NFATC1: variants seen among roughly 807,000 people sequenced by gnomAD.
The protein encoded by NFATC1 is nuclear factor of activated T cells 1.
A neutral mutation model predicts 76.0 loss-of-function variants in NFATC1; 22 were observed. That is an observed-to-expected ratio of 0.29 (90% CI 0.21 to 0.41). The LOEUF (loss-of-function observed/expected upper bound fraction) is 0.41. Ranked by LOEUF, NFATC1 falls within the 10% of genes least tolerant of loss-of-function variation. NFATC1 has a pLI of 1.00. For synonymous variants in NFATC1, 704 were observed against 613.1 expected (o/e 1.15, Z -2.19); for missense variants, 1,357 against 1,337.7 (o/e 1.01, Z -0.23).
rs1192336762 is a variant in NFATC1 at position 79,475,092 on chromosome 18, C to T, written c.2092+7510C>T. 4.6e-5 allele frequency among the ~76,000 whole-genome samples: 6 copies of T among 129,674 alleles called. 2 individuals are homozygous for T. The highest frequency in any genetic ancestry group is 9.5e-5 in the Non-Finnish European group (6 of 63,476). 85.1% of individuals were successfully genotyped at this position (129,674 alleles called of 152,430 possible). On this transcript the variant is annotated intron_variant, in intron 8 of 9. Transcript: ENST00000427363. ...GAAGTGTGTTCTCACACTCACTCGA[C>T]GTGAGGGAAGCGTGTTCTCACGCTC...
At chr18:79,490,996 G>A (rs900059102) in intron 9 of NFATC1, among the ~76,000 whole-genome samples, 1 of 152,112 alleles carries the variant, frequency 6.6e-6, no homozygotes, top group Non-Finnish European at 1.5e-5. Context: ...GAAATGCGGG[G>A]GTGTACCTGG....
At chr18:79,509,798 A>G (rs771287244) in intron 9 of NFATC1, among the ~76,000 whole-genome samples, 2 of 152,212 alleles carry the variant, frequency 1.3e-5, no homozygotes, top group Non-Finnish European at 2.9e-5. Flanking sequence ...CTGAGCTCCA[A>G]TCCCAGCTTC....
chr18:79,448,821 C>A lies in NFATC1; in HGVS notation c.1426C>A (p.Leu476Ile), dbSNP rs774739021. Residue 476 changes from leucine (L) to isoleucine (I), a missense_variant, in exon 4 of 10, where the codon CTT becomes ATT. Leu to Ile is a conservative substitution (Grantham distance 5). Around this residue, in one of 3 missense-constraint regions of NFATC1, gnomAD observed 242 missense variants for 329.2 expected, o/e 0.74. Coordinates refer to ENST00000427363, the MANE Select transcript of NFATC1 (RefSeq NM_001278669.2). ...YLENEPLMLQLFIGTADDRLL... is the reference protein window; with the variant it reads ...YLENEPLMLQIFIGTADDRLL... ...GGAGAATGAGCCGCTGATGCTGCAG[C>A]TTTTCATTGGGACGGCGGACGACCG... 3 of 1,613,954 alleles carry A rather than the reference C, an allele frequency of 1.9e-6. No homozygotes were observed. The highest frequency in any genetic ancestry group is 2.5e-6 in the Non-Finnish European group (3 of 1,180,024).
chr18:79,440,984 C>T (rs1435966792), intron 3 of NFATC1, among the ~76,000 whole-genome samples: 1 of 152,210 alleles, frequency 6.6e-6, no homozygotes, highest in Admixed American at 6.5e-5. Context: ...GTGGACCTGC[C>T]TCAAGCCACA....
intron 2 of NFATC1, among the ~76,000 whole-genome samples, chr18:79,420,366 G>T (rs900862329): frequency 1.4e-5 from 2 of 140,420 alleles, no homozygotes; most frequent in Non-Finnish European, 3.0e-5. Context: ...AGGTGACGTC[G>T]CTGCAGAGAG....
intron 2 of NFATC1, among the ~76,000 whole-genome samples, chr18:79,412,463 C>A (rs1333839816): frequency 2.6e-5 from 4 of 151,572 alleles, no homozygotes; most frequent in African/African-American, 9.7e-5. Flanking sequence ...TCCCTCCCCA[C>A]CCCCCACTCC....
At chr18:79,451,956 C>T (rs55811982) in intron 6 of NFATC1, 140 bp downstream of exon 6, 58,970 of 1,006,560 alleles carry the variant, frequency 0.059, 2,020 homozygotes, top group Non-Finnish European at 0.066. Context: ...AGAGGCTCTG[C>T]GTGGCCCGTG....
intron 9 of NFATC1, among the ~76,000 whole-genome samples, chr18:79,489,524 G>A (rs918369876): frequency 2.0e-5 from 3 of 152,172 alleles, no homozygotes; most frequent in Admixed American, 1.3e-4. Flanking sequence ...TGCTGCCGTC[G>A]GGACACTTGA....
chr18:79,486,526 C>G lies in NFATC1; in HGVS notation c.2371C>G (p.Pro791Ala), dbSNP rs1181491175. 3.1e-6 allele frequency: 5 copies of G among 1,598,826 alleles called. No individual in the cohort carries two copies. The highest frequency in any genetic ancestry group is 1.7e-4 in the Middle Eastern group (1 of 6,052). ...CCCGGGCCACTGTCACCTCGGACTCCCGCAGCCGGCCGGAGAGGCCCCCGC... is the reference window on the plus strand; with the variant it reads ...CCCGGGCCACTGTCACCTCGGACTCGCGCAGCCGGCCGGAGAGGCCCCCGC... ...ASPGHCHLGL[P>A]QPAGEAPAVQ... Residue 791 changes from proline (P) to alanine (A), a missense_variant, in exon 9 of 10, where the codon CCG becomes GCG. Around this residue, in one of 3 missense-constraint regions of NFATC1, gnomAD observed 424 missense variants for 395.4 expected, o/e 1.07. Transcript: ENST00000427363.
intron 2 of NFATC1, among the ~76,000 whole-genome samples, chr18:79,432,105 T>A (rs1440101805): frequency 1.3e-5 from 2 of 152,254 alleles, no homozygotes; most frequent in African/African-American, 2.4e-5. Context: ...ATGCCCCTGC[T>A]CTGCGACTGC....
intron 9 of NFATC1, among the ~76,000 whole-genome samples, chr18:79,513,226 A>G (rs1419461171): frequency 6.6e-6 from 1 of 152,176 alleles, no homozygotes; most frequent in Non-Finnish European, 1.5e-5. Flanking sequence ...GGGCACTGGG[A>G]CCGCTGCAGA....
At chr18:79,514,784 A>G (rs2145188786) in intron 9 of NFATC1, among the ~76,000 whole-genome samples, 1 of 151,998 alleles carries the variant, frequency 6.6e-6, no homozygotes, top group Admixed American at 6.5e-5. Context: ...AGTGGCTCAC[A>G]CCTATAATCC....
intron 3 of NFATC1, among the ~76,000 whole-genome samples, chr18:79,444,230 G>GT (rs1568969238): frequency 1.8e-4 from 28 of 152,188 alleles, no homozygotes; most frequent in African/African-American, 6.7e-4. Flanking sequence ...CGCTCTGGGG[G>GT]GGTGTGCACA....
intron 8 of NFATC1, among the ~76,000 whole-genome samples, chr18:79,481,022 G>C (rs759957230): frequency 2.0e-5 from 3 of 152,250 alleles, no homozygotes; most frequent in Non-Finnish European, 4.4e-5. Flanking sequence ...CATCTTCTGA[G>C]CGGGAGAGAT....
At chr18:79,474,411 C>T (rs958596528) in intron 8 of NFATC1, among the ~76,000 whole-genome samples, 1 of 146,206 alleles carries the variant, frequency 6.8e-6, no homozygotes, top group Non-Finnish European at 1.5e-5. Context: ...GAAGCGTGTT[C>T]TCTCACTGTC....
rs535302278 is a variant in NFATC1, at chr18:79,449,537, G to C, written c.1589+553G>C. On this transcript the variant is annotated intron_variant, in intron 4 of 9. Transcript: ENST00000427363. The stretch of plus-strand genomic sequence containing the variant: ...CTGGCCCTAACCTGTGAAGGCAGCC[G>C]AGGAGGAGGACTGCTGGTTCCCGAG... Among the ~76,000 whole-genome samples, 4 of 152,368 alleles carry C rather than the reference G, an allele frequency of 2.6e-5. No homozygotes were observed. In the East Asian group the frequency reaches 7.7e-4, roughly 29 times the overall value.
chr18:79,467,503 C>A lies in NFATC1; in HGVS notation c.2013C>A (p.Pro671=). The change falls in exon 8 of 10, where the codon CCC becomes CCA. Residue 671 remains proline, a synonymous_variant. Transcript: ENST00000427363. ...TTCGGAATCAGAGGATAACCAGCCC[C>A]GTTCACGTCAGTTTCTACGTCTGCA... ...PPFRNQRITS[P]VHVSFYVCNG... The A allele has an allele frequency of 6.2e-7, 1 of 1,613,380 alleles. No homozygotes were observed. The highest frequency in any genetic ancestry group is 8.5e-7 in the Non-Finnish European group (1 of 1,179,528).
chr18:79,424,228 C>A (rs528628470), intron 2 of NFATC1, among the ~76,000 whole-genome samples: 14 of 152,210 alleles, frequency 9.2e-5, no homozygotes, highest in Non-Finnish European at 1.8e-4. Context: ...AGAAACGCGG[C>A]GTGTGCGGGC....
At chr18:79,493,531 C>T (rs1168249151) in intron 9 of NFATC1, 3 of 152,272 alleles carry the variant, frequency 2.0e-5, no homozygotes, top group Admixed American at 6.5e-5. Context: ...GTCTCCATGT[C>T]ATTAAAACAA....
Sources: gnomAD v4.1 joint callset for allele counts (sites outside exome capture counted in the v4.1 genomes callset) on GRCh38, gnomAD v4.1.1 for gene constraint, gnomAD v4.1.1 regional missense constraint, MANE v1.5 for transcripts, NCBI Gene and HGNC (gene_info 2026-07-23, HGNC 2026-07-21) for gene names.